UNK: variants seen among roughly 807,000 people sequenced by gnomAD.
The protein encoded by UNK is RING finger protein unkempt homolog.
In UNK, 32 loss-of-function variants were observed where a neutral mutation model predicts 97.6. That is an observed-to-expected ratio of 0.33 (90% CI 0.25 to 0.44). The LOEUF is 0.44. Among genes scored for constraint, UNK ranks in the 20% least tolerant of loss-of-function variants. The pLI is 1.00. For missense variants in UNK, 771 were observed against 1,098.4 expected (o/e 0.70, Z 4.21); for synonymous variants, 441 against 461.2 (o/e 0.96, Z 0.56).
chr17:75,818,574 C>T lies in UNK; in HGVS notation c.1372-68C>T. 6.6e-7 allele frequency: 1 copy of T among 1,509,932 alleles called. No individual in the cohort carries two copies. Among genetic ancestry groups the T allele is most frequent in the Non-Finnish European group, 8.9e-7 (1 of 1,123,856 alleles). The allele number at this position is 1,509,932 out of a possible 1,614,324, so 93.5% of individuals were successfully genotyped here. A position where few individuals can be genotyped will look rare whatever the true frequency, so the allele number is the denominator to read the frequency against. On this transcript the variant is annotated intron_variant, in intron 10 of 15. Transcript: ENST00000589666. This position sits in a 1 kb window ranked among gnomAD's most constrained non-coding sequence, Gnocchi z 5.1. ...CATTTCCCTTGCCCCCAGCCCCTCT[C>T]CAGCCTCTCGTCCTGGCCTCCGTAT... is the stretch of plus-strand genomic sequence containing the variant.
chr17:75,815,834 C>T (rs949001001), intron 7 of UNK, among the ~76,000 whole-genome samples: 6 of 149,386 alleles, frequency 4.0e-5, no homozygotes, highest in East Asian at 2.0e-4. Context: ...TGCAGTGAGC[C>T]GAGATCATGC....
chr17:75,793,321 A>G (rs1037211640), intron 1 of UNK: 6 of 682,822 alleles, frequency 8.8e-6, no homozygotes, highest in African/African-American at 7.8e-5. Flanking sequence ...AGGACAGGCC[A>G]TGTGTTTTAG....
intron 1 of UNK, among the ~76,000 whole-genome samples, chr17:75,790,032 A>C (rs1025383729): frequency 6.6e-6 from 1 of 152,152 alleles, no homozygotes; most frequent in East Asian, 1.9e-4. Context: ...AATCCCAGCT[A>C]CTGAGGAGGC....
At position 75,796,320 on chromosome 17, in the gene UNK, C is replaced by CT. The variant is rs67667491; in HGVS notation, c.104+11352dup. Among the ~76,000 whole-genome samples the CT allele has an allele frequency of 6.9e-3, 947 of 137,254 alleles. 2 individuals carry two copies. The highest frequency in any genetic ancestry group is 0.015 in the African/African-American group (543 of 37,250). The allele number at this position is 137,254 out of a possible 152,430, so 90.0% of individuals were successfully genotyped here. ...GTCAGATCCATCCAAATATTTAAAG[C>CT]TTTTTTTTTTTTTTTTGAGATATGG... is the stretch of plus-strand genomic sequence containing the variant. On this transcript the variant is annotated intron_variant, in intron 1 of 15. Coordinates refer to ENST00000589666, the MANE Select transcript of UNK (RefSeq NM_001080419.3).
At chr17:75,820,480 G>C (rs1030166681) in intron 13 of UNK, among the ~76,000 whole-genome samples, 18 of 152,160 alleles carry the variant, frequency 1.2e-4, no homozygotes, top group African/African-American at 3.9e-4. Context: ...GTCACCCCAG[G>C]CTCCGAGAGG....
intron 1 of UNK, chr17:75,794,052 C>G: frequency 1.0e-6 from 1 of 985,172 alleles, no homozygotes; most frequent in Non-Finnish European, 1.2e-6. Flanking sequence ...GTGAATCAGA[C>G]CATCTAAATA....
chr17:75,785,737 T>C (rs982552774), intron 1 of UNK: 3 of 152,010 alleles, frequency 2.0e-5, no homozygotes, highest in Non-Finnish European at 4.4e-5. Flanking sequence ...GGTCGCTGTC[T>C]TCATTTCCTT....
chr17:75,809,261 T>G (rs1333489123), intron 1 of UNK, among the ~76,000 whole-genome samples: 1 of 152,188 alleles, frequency 6.6e-6, no homozygotes. Context: ...GGCTTTCAGC[T>G]TCAGAGCTGA....
rs1474088642 is a variant in UNK, at chr17:75,815,846, G to A, written c.961+593G>A. On this transcript the variant is annotated intron_variant, in intron 7 of 15. Transcript: ENST00000589666. ...GGTTGCAGTGAGCCGAGATCATGCCGCCGCACTCCAGCCTGGGCAACAGGG... is the reference window on the plus strand; with the variant it reads ...GGTTGCAGTGAGCCGAGATCATGCCACCGCACTCCAGCCTGGGCAACAGGG... 6.6e-4 allele frequency among the ~76,000 whole-genome samples: 95 copies of A among 143,922 alleles called. 1 individual carries two copies. The highest frequency in any genetic ancestry group is 1.6e-4 in the Non-Finnish European group (11 of 66,970). 94.4% of individuals were successfully genotyped at this position (143,922 alleles called of 152,430 possible).
At chr17:75,822,723 T>C (rs1205036026) in intron 14 of UNK, 65 bp downstream of exon 14, 9 of 1,472,562 alleles carry the variant, frequency 6.1e-6, no homozygotes, top group Non-Finnish European at 8.1e-6. Flanking sequence ...AGACCTTCCT[T>C]CACAGAGTGG....
At chr17:75,811,714 C>A (rs1447152700) in intron 2 of UNK, among the ~76,000 whole-genome samples, 3 of 152,178 alleles carry the variant, frequency 2.0e-5, no homozygotes, top group Non-Finnish European at 2.9e-5. Flanking sequence ...AAAGGCCAGG[C>A]GCAGTGGCTC....
At chr17:75,787,653 G>T (rs1197879310) in intron 1 of UNK, among the ~76,000 whole-genome samples, 1 of 151,604 alleles carries the variant, frequency 6.6e-6, no homozygotes, top group Non-Finnish European at 1.5e-5. Context: ...TGGAAACCCC[G>T]TCTCTACTAA....
Position 75,784,868 on chromosome 17 carries a change from G to C in UNK, c.-13G>C. The C allele has an allele frequency of 1.2e-6, 2 of 1,602,952 alleles. No homozygotes were observed. The highest frequency in any genetic ancestry group is 1.7e-6 in the Non-Finnish European group (2 of 1,175,316). ...ATAAAAGGGGAGCGGCGAAGAGGCA[G>C]GAAGACAAGACCATGTCGAAGGGCC... On this transcript the variant is annotated 5_prime_UTR_variant, in exon 1 of 16. Coordinates refer to ENST00000589666, the MANE Select transcript of UNK (RefSeq NM_001080419.3).
intron 1 of UNK, among the ~76,000 whole-genome samples, chr17:75,801,852 CT>C (rs768109419): frequency 0.017 from 2,263 of 136,230 alleles, 39 homozygotes; most frequent in African/African-American, 0.049. Context: ...TCCCCCCAGC[CT>C]TTTTTTTTTT....
chr17:75,797,044 T>A (rs1333970348), intron 1 of UNK, among the ~76,000 whole-genome samples: 2 of 152,186 alleles, frequency 1.3e-5, no homozygotes, highest in Non-Finnish European at 2.9e-5. Context: ...CATTTGAGCC[T>A]TTGGATACTA....
intron 1 of UNK, among the ~76,000 whole-genome samples, chr17:75,800,776 C>G (rs985549327): frequency 6.6e-6 from 1 of 152,012 alleles, no homozygotes; most frequent in Non-Finnish European, 1.5e-5. Context: ...TCCTTTGAAC[C>G]TGCACTCATT....
chr17:75,785,237 G>A (rs1044272757), intron 1 of UNK: 13 of 482,042 alleles, frequency 2.7e-5, no homozygotes, highest in Non-Finnish European at 4.4e-5. Flanking sequence ...GGGATGCAGA[G>A]TGCACTCTCC....
chr17:75,816,933 G>C lies in UNK; in HGVS notation c.1104+21G>C. 5 of 1,591,768 alleles carry C rather than the reference G, an allele frequency of 3.1e-6. No homozygotes were observed. Among genetic ancestry groups the C allele is most frequent in the Non-Finnish European group, 4.3e-6 (5 of 1,174,540 alleles). ...GTGCCGTACGTGTCCATCCTGGGGA[G>C]TGGGTGGGCACCATGCCTGACAGAG... is the stretch of plus-strand genomic sequence containing the variant. On this transcript the variant is annotated intron_variant, in intron 8 of 15. Transcript: ENST00000589666. The surrounding 1 kb of genome is among the most constrained non-coding windows in gnomAD (Gnocchi z 4.0).
chr17:75,786,249 T>A (rs921100493), intron 1 of UNK, among the ~76,000 whole-genome samples: 7 of 152,246 alleles, frequency 4.6e-5, no homozygotes, highest in African/African-American at 1.7e-4. Context: ...TTTGGTGAGA[T>A]GTTCTTAGCT....
Sources: allele counts gnomAD v4.1 joint callset (sites outside exome capture counted in the v4.1 genomes callset), GRCh38; gene constraint gnomAD v4.1.1; non-coding constraint Gnocchi (gnomAD v3.1); transcripts MANE v1.5; gene names NCBI Gene and HGNC (gene_info 2026-07-23, HGNC 2026-07-21).